OLA1: variants seen among roughly 807,000 people sequenced by gnomAD.
The protein encoded by OLA1 is obg-like ATPase 1.
A neutral mutation model predicts 48.4 loss-of-function variants in OLA1; 14 were observed. That is an observed-to-expected ratio of 0.29 (90% confidence interval 0.19 to 0.45). The LOEUF (loss-of-function observed/expected upper bound fraction) is 0.45. Among genes scored for constraint, OLA1 ranks in the 20% least tolerant of loss-of-function variants. The pLI is 1.00. For synonymous variants in OLA1, 127 were observed against 150.4 expected (o/e 0.84, Z 1.14); for missense variants, 325 against 467.1 (o/e 0.70, Z 2.80).
At chr2:174,095,325 G>GTTTTTTTTTTTTTTTTTTTTTT (rs1205716344) in intron 7 of OLA1, among the ~76,000 whole-genome samples, 65 of 77,970 alleles carry the variant, frequency 8.3e-4, no homozygotes, top group Non-Finnish European at 9.5e-4. Context: ...GTTATTTCCT[G>GTTTTTTTTTTTTTTTTTTTTTT]TTTTTTTTTT....
In OLA1 at chr2:174,224,223, A is replaced by G. The variant is rs962854205; in HGVS notation, c.246-1063T>C. 1.4e-4 allele frequency among the ~76,000 whole-genome samples: 21 copies of G among 152,158 alleles called. 1 individual carries two copies. The highest frequency in any genetic ancestry group is 5.1e-4 in the African/African-American group (21 of 41,466). ...TTACCACCAAATCCACTAAAACCAC[A>G]TAAATGTGGTTAGTTTTTTGTTGTT... On this transcript the variant is annotated intron_variant, in intron 3 of 10. Coordinates refer to ENST00000284719, the MANE Select transcript of OLA1 (RefSeq NM_013341.5).
intron 2 of OLA1, among the ~76,000 whole-genome samples, chr2:174,246,183 CCAGCTACT>C (rs1374832456): frequency 6.6e-6 from 1 of 151,634 alleles, no homozygotes; most frequent in African/African-American, 2.4e-5. Context: ...GCCTGTAATC[CCAGCTACT>C]CAGGAAGCTG....
At chr2:174,153,553 G>A (rs1686796032) in intron 4 of OLA1, among the ~76,000 whole-genome samples, 1 of 127,456 alleles carries the variant, frequency 7.8e-6, no homozygotes, top group Non-Finnish European at 1.6e-5. Context: ...TAAATGTACA[G>A]AACACCAGAA....
At chr2:174,139,632 C>A (rs575204233) in intron 5 of OLA1, among the ~76,000 whole-genome samples, 1 of 152,088 alleles carries the variant, frequency 6.6e-6, no homozygotes, top group Non-Finnish European at 1.5e-5. Flanking sequence ...TTCGGGAGGC[C>A]GAGGTGGGTG....
intron 7 of OLA1, among the ~76,000 whole-genome samples, chr2:174,104,215 A>G (rs1359809132): frequency 6.6e-6 from 1 of 152,034 alleles, no homozygotes; most frequent in African/African-American, 2.4e-5. Context: ...ATGGTTCCAG[A>G]GAGCCATTTC....
chr2:174,076,000 G>C (rs1408977534), intron 10 of OLA1, among the ~76,000 whole-genome samples: 1 of 152,214 alleles, frequency 6.6e-6, no homozygotes, highest in East Asian at 1.9e-4. Context: ...ATTATGATCA[G>C]TTGTTGTGTA....
intron 4 of OLA1, among the ~76,000 whole-genome samples, chr2:174,201,094 C>A (rs1043734753): frequency 6.6e-6 from 1 of 152,156 alleles, no homozygotes; most frequent in African/African-American, 2.4e-5. Context: ...TGCTTGTCGG[C>A]ATCAAAGTAT....
intron 7 of OLA1, 83 bp from the exon 8 acceptor site, chr2:174,082,147 T>C: frequency 1.4e-6 from 2 of 1,455,978 alleles, no homozygotes; most frequent in African/African-American, 1.4e-5. Flanking sequence ...AGCACATACA[T>C]ATTCATAAGA....
At chr2:174,151,163 A>T (rs1378652874) in intron 4 of OLA1, among the ~76,000 whole-genome samples, 1 of 152,206 alleles carries the variant, frequency 6.6e-6, no homozygotes, top group African/African-American at 2.4e-5. Context: ...TACAGAAAGC[A>T]GCATTTTAGA....
At chr2:174,239,698 T>C (rs1216677416) in intron 2 of OLA1, among the ~76,000 whole-genome samples, 6 of 122,418 alleles carry the variant, frequency 4.9e-5, no homozygotes, top group Non-Finnish European at 8.0e-5. Context: ...GGCAACATAG[T>C]GAGAACCCAT....
chr2:174,212,871 G>A (rs1462255604), intron 4 of OLA1, among the ~76,000 whole-genome samples: 1 of 152,134 alleles, frequency 6.6e-6, no homozygotes, highest in Non-Finnish European at 1.5e-5. Context: ...GATAACAATG[G>A]CTTCTTCTGG....
At chr2:174,235,152 T>C (rs1056949590) in intron 2 of OLA1, among the ~76,000 whole-genome samples, 3 of 151,906 alleles carry the variant, frequency 2.0e-5, no homozygotes. Flanking sequence ...GAGCGAGACT[T>C]TGTCTTGGGA....
At chr2:174,236,446 CA>C (rs1230827065) in intron 2 of OLA1, among the ~76,000 whole-genome samples, 2 of 151,850 alleles carry the variant, frequency 1.3e-5, no homozygotes, top group Non-Finnish European at 2.9e-5. Flanking sequence ...ACACTGCAAG[CA>C]AAAGACCTTG....
At chr2:174,137,575 G>C (rs1232844673) in intron 5 of OLA1, among the ~76,000 whole-genome samples, 1 of 152,162 alleles carries the variant, frequency 6.6e-6, no homozygotes, top group Non-Finnish European at 1.5e-5. Flanking sequence ...TTGAACATCT[G>C]TTGTTTTCAT....
At position 174,213,621 on chromosome 2, in the gene OLA1, A is replaced by G. The variant is rs1197213691; in HGVS notation, c.373+9412T>C. 2.6e-5 allele frequency among the ~76,000 whole-genome samples: 4 copies of G among 152,208 alleles called. No homozygotes were observed. The East Asian group carries it at 5.8e-4, about 22-fold the overall frequency. Reference sequence around the variant, plus strand: ...AAGTCATATTGGCTCAATGAGCCCTAGAGAAAAAGTTAGTGGTTTTTCCAA... The same window carrying G: ...AAGTCATATTGGCTCAATGAGCCCTGGAGAAAAAGTTAGTGGTTTTTCCAA... On this transcript the variant is annotated intron_variant, in intron 4 of 10. Coordinates refer to ENST00000284719, the MANE Select transcript of OLA1 (RefSeq NM_013341.5).
intron 5 of OLA1, among the ~76,000 whole-genome samples, chr2:174,138,562 G>A (rs962410973): frequency 6.6e-6 from 1 of 152,062 alleles, no homozygotes; most frequent in East Asian, 1.9e-4. Context: ...GACACAAAGG[G>A]AGCACATGCT....
chr2:174,139,508 T>G (rs1269890703), intron 5 of OLA1, among the ~76,000 whole-genome samples: 1 of 152,224 alleles, frequency 6.6e-6, no homozygotes, highest in Non-Finnish European at 1.5e-5. Flanking sequence ...AGAAAATGCT[T>G]ATCCCACTCC....
intron 7 of OLA1, among the ~76,000 whole-genome samples, chr2:174,097,808 A>G (rs568595819): frequency 2.0e-5 from 3 of 152,212 alleles, no homozygotes; most frequent in Admixed American, 6.5e-5. Context: ...ACTTGCACAG[A>G]CATCCCTTCC....
At chr2:174,241,293 T>A (rs748958635) in intron 2 of OLA1, among the ~76,000 whole-genome samples, 7 of 152,200 alleles carry the variant, frequency 4.6e-5, no homozygotes, top group African/African-American at 1.7e-4. Context: ...ACTCACTACA[T>A]TCCCGACGAA....
Sources: allele counts gnomAD v4.1 joint callset (sites outside exome capture counted in the v4.1 genomes callset), GRCh38; gene constraint gnomAD v4.1.1; transcripts MANE v1.5; gene names NCBI Gene and HGNC (gene_info 2026-07-23, HGNC 2026-07-21).